GIMAP8: variants seen among roughly 807,000 people sequenced by gnomAD.
The protein encoded by GIMAP8 is GTPase, IMAP family member 8.
GIMAP8 carries 29 observed loss-of-function variants against 35.6 expected under a neutral mutation model. The ratio of observed to expected loss-of-function variants is 0.81; its 90% CI spans 0.61 to 1.11. GIMAP8 has a LOEUF of 1.11. Among genes scored for constraint, GIMAP8 ranks in the 50% most tolerant of loss-of-function variants. The pLI, the probability that GIMAP8 is intolerant of heterozygous loss-of-function variation, is 0.00. For missense variants in GIMAP8, 811 were observed against 805.0 expected (o/e 1.01, Z -0.09); for synonymous variants, 335 against 308.7 (o/e 1.09, Z -0.89).
chr7:150,452,627 G>GTATA (rs1563278448), intron 1 of GIMAP8, among the ~76,000 whole-genome samples: 7 of 131,828 alleles, frequency 5.3e-5, no homozygotes, highest in African/African-American at 2.4e-4. Context: ...GTATATATGT[G>GTATA]TATATATGTA....
Position 150,467,267 on chromosome 7 carries a change from A to G in GIMAP8, c.569A>G (p.Glu190Gly). 1 of 1,614,218 alleles carries G rather than the reference A, an allele frequency of 6.2e-7. No individual in the cohort carries two copies. Among genetic ancestry groups the G allele is most frequent in the Non-Finnish European group, 8.5e-7 (1 of 1,180,016 alleles). Reference sequence around the variant, plus strand: ...GTGTTGGAGCTCCTTCGCAAGGTTGAGTCTTTGGTGAATACGAACGGAGGA... The same window carrying G: ...GTGTTGGAGCTCCTTCGCAAGGTTGGGTCTTTGGTGAATACGAACGGAGGA... ...TQVLELLRKV[E>G]SLVNTNGGPY... The change falls in exon 2 of 5, where the codon GAG (glutamate) becomes GGG (glycine). Residue 190 changes from glutamate to glycine, a missense_variant. Glu to Gly is a moderately conservative substitution (Grantham distance 98). Transcript: ENST00000307271.
intron 1 of GIMAP8, among the ~76,000 whole-genome samples, chr7:150,452,675 G>GAGATATATAT (rs1554492376): frequency 3.8e-5 from 3 of 79,658 alleles, no homozygotes; most frequent in African/African-American, 5.3e-5. Flanking sequence ...GTGTGTGTGA[G>GAGATATATAT]ATATATATAT....
chr7:150,470,429 G>A (rs541317449), intron 2 of GIMAP8, among the ~76,000 whole-genome samples: 1 of 152,070 alleles, frequency 6.6e-6, no homozygotes, highest in Non-Finnish European at 1.5e-5. Context: ...CAGGAGAAGG[G>A]GATGTCAGTT....
chr7:150,477,114 G>A lies in GIMAP8; in HGVS notation c.1332G>A (p.Val444=), dbSNP rs752410990. 1.9e-6 allele frequency: 3 copies of A among 1,606,042 alleles called. No individual in the cohort carries two copies. The South Asian group carries it at 3.3e-5, about 18-fold the overall frequency. ...REKETLNIVL[V]GRSGTGKSAT... is the part of the protein sequence containing the mutation. ...CAGAAACCCTGAACATTGTCCTTGT[G>A]GGGAGAAGCGGGACTGGGAAGAGTG... Residue 444 remains valine, a synonymous_variant, in exon 5 of 5, where the codon GTG becomes GTA. Coordinates refer to ENST00000307271, the MANE Select transcript of GIMAP8 (RefSeq NM_175571.4).
chr7:150,453,185 G>A (rs112304730), intron 1 of GIMAP8, among the ~76,000 whole-genome samples: 5 of 152,198 alleles, frequency 3.3e-5, no homozygotes, highest in Admixed American at 1.3e-4. Flanking sequence ...TGAGGAGAGA[G>A]AGGAGATAGG....
rs199955814 is a variant in GIMAP8, at chr7:150,470,864, C to G, written c.672C>G (p.Asp224Glu). ...ATGAAGCTGCATCTCAAGAGGGAGACAAGCCACAGGGTAAGTTGATCTTTA... is the reference window on the plus strand; with the variant it reads ...ATGAAGCTGCATCTCAAGAGGGAGAGAAGCCACAGGGTAAGTTGATCTTTA... The part of the protein sequence containing the change: ...CVNEAASQEG[D>E]KPQGPRERQL... The change falls in exon 3 of 5, where the codon GAC becomes GAG. Residue 224 changes from aspartate to glutamate, a missense_variant. By Grantham distance (45) the Asp-to-Glu change is conservative. Transcript: ENST00000307271. 31 of 1,581,300 alleles carry G rather than the reference C, an allele frequency of 2.0e-5. No homozygotes were observed. Among genetic ancestry groups the G allele is most frequent in the Non-Finnish European group, 2.6e-5 (30 of 1,159,734 alleles).
In GIMAP8 at chr7:150,477,675, C is replaced by T. The variant is rs768595309; in HGVS notation, c.1893C>T (p.Ser631=). ...VNDLRKESGW[S]GYPHTQENVS... ...ATCTGAGAAAAGAAAGTGGGTGGTCCGGGTATCCCCATACACAGGAGAACG... is the reference window on the plus strand; with the variant it reads ...ATCTGAGAAAAGAAAGTGGGTGGTCTGGGTATCCCCATACACAGGAGAACG... The change falls in exon 5 of 5, where the codon TCC becomes TCT. Residue 631 remains serine, a synonymous_variant. Transcript: ENST00000307271. 15 of 1,614,092 alleles carry T rather than the reference C, an allele frequency of 9.3e-6. No individual in the cohort carries two copies. The East Asian group carries it at 1.6e-4, about 17-fold the overall frequency.
intron 2 of GIMAP8, among the ~76,000 whole-genome samples, chr7:150,467,535 T>C (rs913224375): frequency 6.6e-5 from 10 of 152,230 alleles, no homozygotes; most frequent in African/African-American, 2.4e-4. Flanking sequence ...TAGGCTTTAT[T>C]AGCAAATTAA....
intron 2 of GIMAP8, among the ~76,000 whole-genome samples, chr7:150,467,795 C>T (rs745527518): frequency 6.6e-6 from 1 of 152,134 alleles, no homozygotes; most frequent in Non-Finnish European, 1.5e-5. Context: ...CTCAGATGAT[C>T]CCACACTTTT....
At chr7:150,462,859 C>T (rs1401254040) in intron 1 of GIMAP8, among the ~76,000 whole-genome samples, 1 of 152,118 alleles carries the variant, frequency 6.6e-6, no homozygotes, top group Admixed American at 6.6e-5. Flanking sequence ...TCTTGAATTT[C>T]CTGTGTCTGA....
In GIMAP8 at chr7:150,478,178, C is replaced by G. The variant is rs955984800; in HGVS notation, c.*398C>G. ...TACAACAACCCAGGGGATCCAGATA[C>G]ATGAGACCAGGGCAGCGTTCAGCAC... is the stretch of plus-strand genomic sequence containing the variant. On this transcript the variant is annotated 3_prime_UTR_variant, in exon 5 of 5. Transcript: ENST00000307271. 1 of 198,780 alleles carries G rather than the reference C, an allele frequency of 5.0e-6. No individual in the cohort carries two copies. Among genetic ancestry groups the G allele is most frequent in the Non-Finnish European group, 1.0e-5 (1 of 95,984 alleles). 12.3% of individuals were successfully genotyped at this position (198,780 alleles called of 1,614,324 possible).
rs79397821 is a variant in GIMAP8 at position 150,474,077 on chromosome 7, G to A, written c.748G>A (p.Val250Ile). ...GAATCCGGGGACATCAGAACTGACA[G>A]TCCTCCTTGTGGGGAAACGCGGTGC... ...EQNPGTSELT[V>I]LLVGKRGAGK... The change falls in exon 4 of 5, where the codon GTC becomes ATC. Residue 250 changes from valine (V) to isoleucine (I), a missense_variant. Coordinates refer to ENST00000307271, the MANE Select transcript of GIMAP8 (RefSeq NM_175571.4). The A allele has an allele frequency of 1.3e-3, 2,071 of 1,614,194 alleles. 33 individuals carry two copies. In the East Asian group the frequency reaches 0.034, roughly 26 times the overall value.
intron 1 of GIMAP8, among the ~76,000 whole-genome samples, chr7:150,455,278 A>G (rs1402960226): frequency 6.6e-6 from 1 of 152,252 alleles, no homozygotes; most frequent in Non-Finnish European, 1.5e-5. Context: ...CAGGACTTAA[A>G]GAAATTGACA....
rs1802163017 is a variant in GIMAP8, at chr7:150,474,050, C to A, written c.721C>A (p.Gln241Lys). 1 of 1,613,904 alleles carries A rather than the reference C, an allele frequency of 6.2e-7. No individual in the cohort carries two copies. The highest frequency in any genetic ancestry group is 1.1e-5 in the South Asian group (1 of 91,068). The change falls in exon 4 of 5, where the codon CAG (glutamine) becomes AAG (lysine). Residue 241 changes from glutamine to lysine, a missense_variant. By Grantham distance (53) the Gln-to-Lys change is moderately conservative (BLOSUM62 1). Coordinates refer to ENST00000307271, the MANE Select transcript of GIMAP8 (RefSeq NM_175571.4). The stretch of plus-strand genomic sequence containing the variant: ...GCAGCTGCAGTCCACAGGACCCGAG[C>A]AGAATCCGGGGACATCAGAACTGAC... ...ERQLQSTGPE[Q>K]NPGTSELTVL...
At chr7:150,466,622 C>T (rs1801961041) in intron 1 of GIMAP8, 49 bp from the exon 2 acceptor site, 10 of 1,477,568 alleles carry the variant, frequency 6.8e-6, no homozygotes, top group African/African-American at 5.6e-5. Context: ...TTTTCCTGTC[C>T]ACTCTGTGTG....
intron 1 of GIMAP8, among the ~76,000 whole-genome samples, chr7:150,457,389 C>T (rs758554782): frequency 6.6e-6 from 1 of 152,182 alleles, no homozygotes; most frequent in Admixed American, 6.5e-5. Flanking sequence ...TGTTTATGGC[C>T]AGTTTCTCAT....
In GIMAP8 at chr7:150,474,652, T is replaced by A. The variant is rs754690828; in HGVS notation, c.1309+14T>A. The stretch of plus-strand genomic sequence containing the variant: ...TCAGAGAAAAAGGTAAAACTGTGAA[T>A]AGGATATATATTTTTACATATATCA... On this transcript the variant is annotated intron_variant, in intron 4 of 4. Transcript: ENST00000307271. 1.3e-6 allele frequency: 2 copies of A among 1,500,686 alleles called. No individual in the cohort carries two copies. The highest frequency in any genetic ancestry group is 2.7e-5 in the South Asian group (2 of 75,198). 93.0% of individuals were successfully genotyped at this position (1,500,686 alleles called of 1,614,324 possible).
intron 1 of GIMAP8, among the ~76,000 whole-genome samples, chr7:150,462,822 T>C (rs1230871521): frequency 6.6e-6 from 1 of 152,208 alleles, no homozygotes; most frequent in Non-Finnish European, 1.5e-5. Flanking sequence ...TCAGAGAAGA[T>C]GTTTTTGGAT....
At chr7:150,452,667 G>GAGATATATATA (rs1320054486) in intron 1 of GIMAP8, among the ~76,000 whole-genome samples, 1 of 96,674 alleles carries the variant, frequency 1.0e-5, no homozygotes, top group African/African-American at 4.8e-5. Context: ...GTGTGTGTGT[G>GAGATATATATA]TGTGTGAGAT....
Sources: gnomAD v4.1 joint callset for allele counts (sites outside exome capture counted in the v4.1 genomes callset) on GRCh38, gnomAD v4.1.1 for gene constraint, MANE v1.5 for transcripts, NCBI Gene and HGNC (gene_info 2026-07-23, HGNC 2026-07-21) for gene names.